ITGAV: variants seen among roughly 807,000 people sequenced by gnomAD.
ITGAV encodes integrin subunit alpha V.
A neutral mutation model predicts 143.8 loss-of-function variants in ITGAV; 76 were observed. That is an observed-to-expected ratio of 0.53 (90% confidence interval 0.44 to 0.64). The LOEUF is 0.64. Among genes scored for constraint, ITGAV ranks in the 30% least tolerant of loss-of-function variants. The probability of loss-of-function intolerance (pLI) is 0.00; values close to 1 mark genes in which losing one functional copy is unlikely to be tolerated. For missense variants in ITGAV, 1,193 were observed against 1,274.7 expected (o/e 0.94, Z 0.98); for synonymous variants, 453 against 446.7 (o/e 1.01, Z -0.18).
intron 2 of ITGAV, among the ~76,000 whole-genome samples, chr2:186,605,324 T>C (rs1357903919): frequency 6.6e-6 from 1 of 152,196 alleles, no homozygotes; most frequent in Non-Finnish European, 1.5e-5. Flanking sequence ...ACTTCACCCT[T>C]GCCTGGGCTG....
intron 16 of ITGAV, among the ~76,000 whole-genome samples, chr2:186,656,004 A>G (rs1056971534): frequency 2.0e-5 from 3 of 151,876 alleles, no homozygotes; most frequent in African/African-American, 7.3e-5. Context: ...TACTACTATC[A>G]TTTTTTTGGG....
intron 1 of ITGAV, among the ~76,000 whole-genome samples, chr2:186,593,349 AG>A (rs1686665736): frequency 6.6e-6 from 1 of 152,234 alleles, no homozygotes; most frequent in Admixed American, 6.5e-5. Flanking sequence ...CAAAGTACTA[AG>A]CAAAATGTTA....
At chr2:186,648,496 G>T (rs186109479) in intron 13 of ITGAV, among the ~76,000 whole-genome samples, 1 of 152,026 alleles carries the variant, frequency 6.6e-6, no homozygotes, top group African/African-American at 2.4e-5. Context: ...ATGAAGTCTC[G>T]CTCTGTTACC....
chr2:186,639,737 G>A (rs566850937), intron 10 of ITGAV, among the ~76,000 whole-genome samples: 1 of 152,284 alleles, frequency 6.6e-6, no homozygotes, highest in African/African-American at 2.4e-5. Context: ...TAGGGATGCT[G>A]ACAACTTCCT....
intron 2 of ITGAV, among the ~76,000 whole-genome samples, chr2:186,612,512 A>G (rs1687243231): frequency 6.6e-6 from 1 of 152,188 alleles, no homozygotes; most frequent in South Asian, 2.1e-4. Context: ...GCTTGCTGGA[A>G]TGCTTGCCAT....
chr2:186,649,888 G>GGTCCCCGT lies in ITGAV; in HGVS notation c.1397+3_1397+4insGTCCCCGT. The GGTCCCCGT allele has an allele frequency of 7.0e-7, 1 of 1,427,130 alleles. No homozygotes were observed. Among genetic ancestry groups the GGTCCCCGT allele is most frequent in the Non-Finnish European group, 9.2e-7 (1 of 1,083,398 alleles). 88.4% of individuals were successfully genotyped at this position (1,427,130 alleles called of 1,614,324 possible). A position where few individuals can be genotyped will look rare whatever the true frequency, so the allele number is the denominator to read the frequency against. On this transcript the variant is annotated splice_donor_region_variant and intron_variant, in intron 14 of 29. Transcript: ENST00000261023. Reference sequence around the variant, plus strand: ...GTAGATCGAGCTATCTTATACAGGTGAGCATTTTCTGTATCCTGCGGTATA... The same window carrying GGTCCCCGT: ...GTAGATCGAGCTATCTTATACAGGTGGTCCCCGTAGCATTTTCTGTATCCTGCGGTATA...
In ITGAV at chr2:186,646,732, T is replaced by C. The variant is rs1042618688; in HGVS notation, c.1206T>C (p.Ile402=). ...ATGGGGGTGAAGATAAAAAAGGAAT[T>C]GTTTATATCTTCAATGGAAGATCAA... ...APYGGEDKKG[I]VYIFNGRSTG... Residue 402 remains isoleucine, a synonymous_variant, in exon 13 of 30, where the codon ATT becomes ATC. Coordinates refer to ENST00000261023, the MANE Select transcript of ITGAV (RefSeq NM_002210.5). 1.2e-6 allele frequency: 2 copies of C among 1,606,250 alleles called. No homozygotes were observed. Among genetic ancestry groups the C allele is most frequent in the African/African-American group, 2.7e-5 (2 of 74,928 alleles).
At chr2:186,658,533 C>T (rs968674457) in intron 17 of ITGAV, among the ~76,000 whole-genome samples, 17 of 152,052 alleles carry the variant, frequency 1.1e-4, no homozygotes, top group South Asian at 4.1e-4. Context: ...TCAAAATAGC[C>T]TTTGACAGAA....
rs1321707049 is a variant in ITGAV at position 186,667,779 on chromosome 2, T to G, written c.2433+3T>G. 6.3e-7 allele frequency: 1 copy of G among 1,581,276 alleles called. No homozygotes were observed. Among genetic ancestry groups the G allele is most frequent in the Admixed American group, 1.7e-5 (1 of 59,226 alleles). On this transcript the variant is annotated splice_donor_region_variant and intron_variant, in intron 24 of 29. Coordinates refer to ENST00000261023, the MANE Select transcript of ITGAV (RefSeq NM_002210.5). Reference sequence around the variant, plus strand: ...CAGTTGTTCAGCACATCTATGAGGTTTGCAGTTGTTAGATTTTACTCAAAC... The same window carrying G: ...CAGTTGTTCAGCACATCTATGAGGTGTGCAGTTGTTAGATTTTACTCAAAC...
In ITGAV at chr2:186,595,874, G is replaced by A. The variant is rs898690112; in HGVS notation, c.185+5351G>A. On this transcript the variant is annotated intron_variant, in intron 1 of 29. Transcript: ENST00000261023. Reference sequence around the variant, plus strand: ...TCACCCTGTGTATTCTCCCCACCTCGCCACCATTGATAAGAAATGTTTAAG... The same window carrying A: ...TCACCCTGTGTATTCTCCCCACCTCACCACCATTGATAAGAAATGTTTAAG... 3.3e-5 allele frequency among the ~76,000 whole-genome samples: 5 copies of A among 151,790 alleles called. No individual in the cohort carries two copies. The East Asian group carries it at 7.7e-4, about 23-fold the overall frequency.
intron 18 of ITGAV, among the ~76,000 whole-genome samples, chr2:186,661,327 A>G (rs1006089127): frequency 1.3e-5 from 2 of 152,200 alleles, no homozygotes; most frequent in Non-Finnish European, 2.9e-5. Context: ...GTTTTGTAGT[A>G]AGAGAATTAA....
chr2:186,594,212 G>C (rs572975522), intron 1 of ITGAV, among the ~76,000 whole-genome samples: 1 of 152,086 alleles, frequency 6.6e-6, no homozygotes, highest in African/African-American at 2.4e-5. Context: ...ATCATTTCTC[G>C]TTGACTAGCC....
chr2:186,660,683 A>G (rs944472408), intron 18 of ITGAV: 5 of 152,206 alleles, frequency 3.3e-5, no homozygotes, highest in African/African-American at 1.2e-4. Flanking sequence ...GGTATAGGTG[A>G]AATTTATTTT....
At chr2:186,630,989 G>C (rs914645526) in intron 5 of ITGAV, 131 bp downstream of exon 5, 2 of 536,260 alleles carry the variant, frequency 3.7e-6, no homozygotes, top group African/African-American at 3.8e-5. Context: ...TTAATAAAAC[G>C]ATCCATTCAT....
chr2:186,638,118 A>G (rs1687996649), intron 8 of ITGAV, among the ~76,000 whole-genome samples, 159 bp from the exon 9 acceptor site: 1 of 152,210 alleles, frequency 6.6e-6, no homozygotes. Context: ...TAGTTTAAAA[A>G]TGCTGGGCTA....
chr2:186,639,543 C>T (rs1688045436), intron 10 of ITGAV, among the ~76,000 whole-genome samples: 1 of 152,130 alleles, frequency 6.6e-6, no homozygotes. Flanking sequence ...GAGTCTGGAT[C>T]CTACTGCATG....
At chr2:186,615,294 G>A (rs1687321310) in intron 2 of ITGAV, among the ~76,000 whole-genome samples, 1 of 152,050 alleles carries the variant, frequency 6.6e-6, no homozygotes, top group Non-Finnish European at 1.5e-5. Context: ...GGGGACATAT[G>A]TTTTCCTTTC....
chr2:186,650,798 C>T (rs1388679543), intron 14 of ITGAV, among the ~76,000 whole-genome samples: 1 of 151,624 alleles, frequency 6.6e-6, no homozygotes, highest in Non-Finnish European at 1.5e-5. Flanking sequence ...GATCCACCAG[C>T]CTCAGCCTCC....
chr2:186,612,158 C>T (rs1478643631), intron 2 of ITGAV, among the ~76,000 whole-genome samples: 1 of 152,130 alleles, frequency 6.6e-6, no homozygotes, highest in African/African-American at 2.4e-5. Flanking sequence ...GTTATTGTGA[C>T]ATTTGAGAAA....
Sources: allele counts gnomAD v4.1 joint callset (sites outside exome capture counted in the v4.1 genomes callset), GRCh38; gene constraint gnomAD v4.1.1; transcripts MANE v1.5; gene names NCBI Gene and HGNC (gene_info 2026-07-23, HGNC 2026-07-21).